Variants in DLG2 observed in about 807,000 individuals in gnomAD.
DLG2 encodes the protein disks large homolog 2.
Under a neutral mutation model 132.5 loss-of-function variants are expected in DLG2, and 45 were observed. The observed-to-expected ratio is 0.34, with a 90% CI of 0.27 to 0.44. The LOEUF is 0.44. Ranked by LOEUF, DLG2 falls within the 20% of genes least tolerant of loss-of-function variation. The pLI is 1.00. For missense variants in DLG2, 1,045 were observed against 1,196.9 expected (o/e 0.87, Z 1.87); for synonymous variants, 424 against 419.6 (o/e 1.01, Z -0.13).
chr11:83,818,445 G>A (rs1188456190), intron 17 of DLG2, among the ~76,000 whole-genome samples: 1 of 152,118 alleles, frequency 6.6e-6, no homozygotes, highest in African/African-American at 2.4e-5. Flanking sequence ...TTGCCTCACT[G>A]TACTTTTCTT....
chr11:85,188,765 A>G (rs1442941368), intron 4 of DLG2, among the ~76,000 whole-genome samples: 1 of 152,188 alleles, frequency 6.6e-6, no homozygotes, highest in Non-Finnish European at 1.5e-5. Flanking sequence ...GAAATGTCAG[A>G]AGAAATTATC....
At chr11:85,462,038 A>G (rs2092631937) in intron 3 of DLG2, among the ~76,000 whole-genome samples, 1 of 152,268 alleles carries the variant, frequency 6.6e-6, no homozygotes, top group Non-Finnish European at 1.5e-5. Flanking sequence ...CAGTCAAAAG[A>G]CACATGAAAA....
At chr11:84,855,762 T>A (rs1484310339) in intron 6 of DLG2, among the ~76,000 whole-genome samples, 1 of 152,070 alleles carries the variant, frequency 6.6e-6, no homozygotes, top group Non-Finnish European at 1.5e-5. Flanking sequence ...CTGAATAAAT[T>A]TTCCTTTCAT....
At chr11:84,918,341 TACTC>T (rs3066338) in intron 6 of DLG2, among the ~76,000 whole-genome samples, 69,057 of 151,552 alleles carry the variant, frequency 0.46, 16,133 homozygotes, top group South Asian at 0.53. Flanking sequence ...GGAGAAATTG[TACTC>T]ACTAAGTCAA....
chr11:84,958,364 A>C (rs547300843), intron 6 of DLG2, among the ~76,000 whole-genome samples: 7 of 152,338 alleles, frequency 4.6e-5, no homozygotes, highest in African/African-American at 1.7e-4. Context: ...TACATGGAAG[A>C]CCAGCTCTGT....
intron 6 of DLG2, chr11:85,020,748 A>G (rs1405735296): frequency 4.6e-6 from 3 of 658,860 alleles, no homozygotes; most frequent in Admixed American, 3.6e-5. Flanking sequence ...GGATAATGGG[A>G]TAAGATTTCT....
At chr11:84,642,114 T>TGG (rs763225107) in intron 6 of DLG2, among the ~76,000 whole-genome samples, 8,304 of 121,148 alleles carry the variant, frequency 0.069, 286 homozygotes, top group South Asian at 0.13. Flanking sequence ...TGTGTATATG[T>TGG]AGAGTGTGTG....
intron 6 of DLG2, among the ~76,000 whole-genome samples, chr11:84,919,010 T>C (rs1250604819): frequency 6.6e-6 from 1 of 152,164 alleles, no homozygotes; most frequent in African/African-American, 2.4e-5. Context: ...CATGTGAATA[T>C]GCATATATGT....
intron 3 of DLG2, among the ~76,000 whole-genome samples, chr11:85,285,603 A>G (rs72950156): frequency 0.043 from 6,495 of 152,134 alleles, 183 homozygotes; most frequent in East Asian, 0.096. Context: ...CAAAAAGTGA[A>G]TAAACTGTAG....
intron 7 of DLG2, among the ~76,000 whole-genome samples, chr11:84,526,780 T>TG (rs1160227176): frequency 3.4e-5 from 5 of 145,338 alleles, no homozygotes; most frequent in Non-Finnish European, 7.6e-5. Context: ...GGGGTGTTTT[T>TG]TTTTTTTTTT....
intron 19 of DLG2, among the ~76,000 whole-genome samples, chr11:83,558,637 G>A (rs2096559581): frequency 6.6e-6 from 1 of 152,118 alleles, no homozygotes; most frequent in Admixed American, 6.6e-5. Flanking sequence ...GGAAAGTTAG[G>A]AATTCAACCC....
intron 6 of DLG2, among the ~76,000 whole-genome samples, chr11:84,707,901 G>C (rs1222468081): frequency 1.3e-5 from 2 of 151,800 alleles, no homozygotes; most frequent in East Asian, 3.9e-4. Flanking sequence ...TAGTGCTTTG[G>C]AAGCATGGTC....
At chr11:84,921,523 A>C (rs1222699566) in intron 6 of DLG2, among the ~76,000 whole-genome samples, 3 of 152,198 alleles carry the variant, frequency 2.0e-5, no homozygotes, top group Admixed American at 6.5e-5. Flanking sequence ...AGCTAAATTC[A>C]TAAAGACGAC....
At chr11:84,118,230 CAACTACAAAA>C (rs2093732486) in intron 9 of DLG2, among the ~76,000 whole-genome samples, 1 of 152,092 alleles carries the variant, frequency 6.6e-6, no homozygotes, top group Non-Finnish European at 1.5e-5. Context: ...ATGCTTCTAT[CAACTACAAAA>C]GATCAAGCAG....
At chr11:85,439,099 G>C (rs1308028618) in intron 3 of DLG2, among the ~76,000 whole-genome samples, 19 of 152,140 alleles carry the variant, frequency 1.2e-4, no homozygotes, top group Non-Finnish European at 1.5e-5. Flanking sequence ...TACTGAATGA[G>C]CTGGTTCCAG....
chr11:83,577,549 GAATT>G (rs1443576446), intron 19 of DLG2, among the ~76,000 whole-genome samples: 11 of 55,656 alleles, frequency 2.0e-4, no homozygotes, highest in African/African-American at 8.7e-4. Flanking sequence ...TAGAGGGACA[GAATT>G]AATAGAATAT....
intron 6 of DLG2, among the ~76,000 whole-genome samples, chr11:84,703,336 C>T (rs1465596204): frequency 6.6e-6 from 1 of 151,494 alleles, no homozygotes; most frequent in Non-Finnish European, 1.5e-5. Context: ...GAAGAAAACC[C>T]TGAGACCCTG....
chr11:84,940,494 C>T (rs1484820948), intron 6 of DLG2, among the ~76,000 whole-genome samples: 2 of 152,202 alleles, frequency 1.3e-5, no homozygotes, highest in Non-Finnish European at 2.9e-5. Context: ...AGCACCTTTT[C>T]AAATACCTAT....
chr11:84,765,300 G>C (rs2068249140), intron 6 of DLG2, among the ~76,000 whole-genome samples: 1 of 151,990 alleles, frequency 6.6e-6, no homozygotes. Context: ...GAAAACTCAT[G>C]TCCCTTTTTG....
Sources: gnomAD v4.1 joint callset for allele counts (sites outside exome capture counted in the v4.1 genomes callset) on GRCh38, gnomAD v4.1.1 for gene constraint, MANE v1.5 for transcripts, NCBI Gene and HGNC (gene_info 2026-07-23, HGNC 2026-07-21) for gene names.